Variants in DNAH5 observed in about 807,000 individuals in gnomAD.
DNAH5 encodes axonemal beta dynein heavy chain 5.
A neutral mutation model predicts 518.2 loss-of-function variants in DNAH5; 372 were observed. That is an observed-to-expected ratio of 0.72 (90% CI 0.66 to 0.78). The LOEUF (loss-of-function observed/expected upper bound fraction) is 0.78, where lower values mean the gene tolerates loss of function less well. Ranked by LOEUF, DNAH5 falls within the 30% of genes least tolerant of loss-of-function variation. The pLI is 0.00. For missense variants in DNAH5, 5,523 were observed against 5,687.0 expected, an observed-to-expected ratio of 0.97 and a Z score of 0.93; for synonymous variants, 2,039 against 2,025.9, an observed-to-expected ratio of 1.01 and a Z score of -0.17.
Position 13,799,214 on chromosome 5 carries a change from C to CA in DNAH5, c.7888-5157_7888-5156insT, listed in dbSNP as rs776409734. On this transcript the variant is annotated intron_variant, in intron 47 of 78. Transcript: ENST00000265104. ...AGCAAAAAGAATTTCATACCCCCCCCCACAAAAATGCAAAATTGTTTGCAT... is the reference window on the plus strand; with the variant it reads ...AGCAAAAAGAATTTCATACCCCCCCCACACAAAAATGCAAAATTGTTTGCAT... 3.6e-3 allele frequency among the ~76,000 whole-genome samples: 539 copies of CA among 150,026 alleles called. 1 individual carries two copies. Among genetic ancestry groups the CA allele is most frequent in the Non-Finnish European group, 4.8e-3 (321 of 67,422 alleles).
intron 47 of DNAH5, among the ~76,000 whole-genome samples, chr5:13,798,705 T>C (rs545692642): frequency 6.6e-6 from 1 of 151,658 alleles, no homozygotes; most frequent in African/African-American, 2.4e-5. Context: ...TTCACAGTAA[T>C]TGCACAGTGT....
chr5:13,986,966 G>A (rs776046612), intron 1 of DNAH5, among the ~76,000 whole-genome samples: 9 of 152,142 alleles, frequency 5.9e-5, no homozygotes, highest in Non-Finnish European at 1.2e-4. Context: ...TGCATCATGC[G>A]TAACTAATAG....
In DNAH5 at chr5:13,756,047, C is replaced by T. The variant is rs146690830; in HGVS notation, c.10420-1709G>A. Among the ~76,000 whole-genome samples, 398 of 151,594 alleles carry T rather than the reference C, an allele frequency of 2.6e-3. 4 individuals are homozygous for T. Among genetic ancestry groups the T allele is most frequent in the African/African-American group, 9.5e-3 (387 of 40,898 alleles). ...GACTTACTGGGTTCCCTGAGTAGTACCCCCCTCCTCAGGCCCACTCTCTCA... is the reference window on the plus strand; with the variant it reads ...GACTTACTGGGTTCCCTGAGTAGTATCCCCCTCCTCAGGCCCACTCTCTCA... On this transcript the variant is annotated intron_variant, in intron 61 of 78. Coordinates refer to ENST00000265104, the MANE Select transcript of DNAH5 (RefSeq NM_001369.3).
chr5:13,841,850 C>T lies in DNAH5; in HGVS notation c.5326G>A (p.Asp1776Asn), dbSNP rs780434385. 6.2e-7 allele frequency: 1 copy of T among 1,602,930 alleles called. No homozygotes were observed. Among genetic ancestry groups the T allele is most frequent in the Admixed American group, 1.7e-5 (1 of 59,030 alleles). ...SSQEGETIEL[D>N]KPVMAEGNVE... ...TTGCCCTCTGCCATGACAGGTTTATCCAATTCAATCGTCTCACCCTCTTGA... is the reference window on the plus strand; with the variant it reads ...TTGCCCTCTGCCATGACAGGTTTATTCAATTCAATCGTCTCACCCTCTTGA... Residue 1776 changes from aspartate to asparagine, a missense_variant, in exon 33 of 79, where the codon GAT (aspartate) becomes AAT (asparagine). Asp to Asn is a conservative substitution (Grantham distance 23). Around this residue, in one of 3 missense-constraint regions of DNAH5, gnomAD observed 5,121 missense variants for 5,223.3 expected, o/e 0.98. Transcript: ENST00000265104.
rs1171499406 is a variant in DNAH5 at position 13,830,664 on chromosome 5, C to G, written c.5994G>C (p.Gly1998=). 3.7e-6 allele frequency: 6 copies of G among 1,614,210 alleles called. No individual in the cohort carries two copies. The highest frequency in any genetic ancestry group is 5.1e-6 in the Non-Finnish European group (6 of 1,180,036). ...ETTKDMGRCL[G]KYVVVFNCSD... ...AACAATTGAAAACCACGACGTATTT[C>G]CCGAGGCATCGTCCCATGTCTTTAG... Residue 1998 remains glycine (G), a synonymous_variant, in exon 36 of 79, where the codon GGG becomes GGC. Coordinates refer to ENST00000265104, the MANE Select transcript of DNAH5 (RefSeq NM_001369.3).
chr5:13,709,375 TTTTTTTA>T (rs1340779839), intron 75 of DNAH5, among the ~76,000 whole-genome samples: 4 of 152,140 alleles, frequency 2.6e-5, no homozygotes, highest in Non-Finnish European at 4.4e-5. Context: ...AAGATTTTTA[TTTTTTTA>T]TTTTTTATTT....
chr5:13,883,149 G>T (rs887721463), intron 19 of DNAH5, 55 bp from the exon 20 acceptor site: 8 of 1,577,832 alleles, frequency 5.1e-6, no homozygotes, highest in Admixed American at 1.7e-5. Flanking sequence ...AATAAGATTT[G>T]CTTCCTTTGT....
At chr5:13,878,188 G>A (rs1015248322) in intron 21 of DNAH5, among the ~76,000 whole-genome samples, 2 of 152,160 alleles carry the variant, frequency 1.3e-5, no homozygotes, top group Non-Finnish European at 2.9e-5. Flanking sequence ...AGGGGTTAAT[G>A]CTATGCACTG....
Position 13,818,305 on chromosome 5 carries a change from A to G in DNAH5, c.6842-611T>C, listed in dbSNP as rs115472522. Among the ~76,000 whole-genome samples the G allele has an allele frequency of 2.9e-3, 440 of 152,372 alleles. 4 individuals are homozygous for G. Among genetic ancestry groups the G allele is most frequent in the Middle Eastern group, 0.02 (6 of 294 alleles). On this transcript the variant is annotated intron_variant, in intron 41 of 78. Transcript: ENST00000265104. ...TGAACAATAAGGTTTAAAGTATAAA[A>G]TTATAAAAATGGGCAGGGCATGGTG...
At chr5:13,962,840 G>A (rs1243097255) in intron 1 of DNAH5, among the ~76,000 whole-genome samples, 1 of 152,156 alleles carries the variant, frequency 6.6e-6, no homozygotes, top group Non-Finnish European at 1.5e-5. Flanking sequence ...TTTGGTCAGG[G>A]AAGGGAGTCC....
intron 1 of DNAH5, among the ~76,000 whole-genome samples, chr5:13,999,234 C>T (rs1784175488): frequency 6.6e-6 from 1 of 152,204 alleles, no homozygotes; most frequent in African/African-American, 2.4e-5. Flanking sequence ...ATGAGATCTA[C>T]CCTTTCAACA....
intron 32 of DNAH5, among the ~76,000 whole-genome samples, chr5:13,843,044 C>T (rs1255208262): frequency 6.6e-6 from 1 of 152,118 alleles, no homozygotes; most frequent in Non-Finnish European, 1.5e-5. Flanking sequence ...AGGATTTAAG[C>T]GAAACATCAG....
intron 76 of DNAH5, among the ~76,000 whole-genome samples, chr5:13,704,309 CTGCTCCCACACTCTCTTG>C (rs1742508688): frequency 2.7e-5 from 4 of 146,518 alleles, no homozygotes; most frequent in Admixed American, 1.3e-4. Flanking sequence ...ACACTCTCTT[CTGCTCCCACACTCTCTTG>C]TGCTCCTGCA....
chr5:13,989,019 A>C (rs987522472), intron 1 of DNAH5, among the ~76,000 whole-genome samples: 8 of 152,110 alleles, frequency 5.3e-5, no homozygotes, highest in African/African-American at 1.9e-4. Flanking sequence ...AAGCCACCGC[A>C]CCTGGCCCAA....
At chr5:13,834,101 C>G (rs1764049232) in intron 35 of DNAH5, among the ~76,000 whole-genome samples, 1 of 152,194 alleles carries the variant, frequency 6.6e-6, no homozygotes, top group South Asian at 2.1e-4. Context: ...ATTAATAACT[C>G]ACTTCCCACA....
rs9312849 is a variant in DNAH5, at chr5:13,839,586, C to T, written c.5710-58G>A. The T allele has an allele frequency of 0.37, 508,134 of 1,385,294 alleles. 95,580 individuals are homozygous for T. The highest frequency in any genetic ancestry group is 0.56 in the East Asian group (24,577 of 43,610). 85.8% of individuals were successfully genotyped at this position (1,385,294 alleles called of 1,614,324 possible). On this transcript the variant is annotated intron_variant, in intron 34 of 78. Coordinates refer to ENST00000265104, the MANE Select transcript of DNAH5 (RefSeq NM_001369.3). ...ATGAGAATCACTCATTAAATATACACGTTATTAGCATTCATGTAGATCATA... is the reference window on the plus strand; with the variant it reads ...ATGAGAATCACTCATTAAATATACATGTTATTAGCATTCATGTAGATCATA...
At chr5:13,885,294 TAGATAGAC>T in intron 18 of DNAH5, 66 bp from the exon 19 acceptor site, 4 of 1,564,894 alleles carry the variant, frequency 2.6e-6, no homozygotes, top group Non-Finnish European at 3.5e-6. Context: ...GATAGACAGA[TAGATAGAC>T]AGATAGATAG....
chr5:13,839,306 C>A, intron 35 of DNAH5, 50 bp downstream of exon 35: 1 of 1,573,566 alleles, frequency 6.4e-7, no homozygotes, highest in Non-Finnish European at 8.7e-7. Context: ...ATCCCCTGAG[C>A]AACTCGAGAG....
rs60470226 is a variant in DNAH5, at chr5:13,862,860, A to ATATATATATATG, written c.4597-114_4597-113insCATATATATATA. On this transcript the variant is annotated intron_variant, in intron 28 of 78. Coordinates refer to ENST00000265104, the MANE Select transcript of DNAH5 (RefSeq NM_001369.3). ...TTGCTTCATATATATATAAATATATATATAAACTTTTATATTTCCAGACCT... is the reference window on the plus strand; with the variant it reads ...TTGCTTCATATATATATAAATATATATATATATATATGTATAAACTTTTATATTTCCAGACCT... 0.026 allele frequency: 7,516 copies of ATATATATATATG among 292,164 alleles called. 161 individuals carry two copies. The highest frequency in any genetic ancestry group is 0.029 in the Non-Finnish European group (5,036 of 171,400). 18.1% of individuals were successfully genotyped at this position (292,164 alleles called of 1,614,324 possible).
Sources: gnomAD v4.1 joint callset for allele counts (sites outside exome capture counted in the v4.1 genomes callset) on GRCh38, gnomAD v4.1.1 for gene constraint, gnomAD v4.1.1 regional missense constraint, MANE v1.5 for transcripts, NCBI Gene and HGNC (gene_info 2026-07-23, HGNC 2026-07-21) for gene names.